Variants in RBPJ observed in about 807,000 individuals in gnomAD.
RBPJ encodes recombining binding protein suppressor of hairless.
In RBPJ, 9 loss-of-function variants were observed where a neutral mutation model predicts 67.8. That is an observed-to-expected ratio of 0.13 (90% confidence interval 0.08 to 0.23). RBPJ has a LOEUF of 0.23. RBPJ is among the 10% of genes least tolerant of loss of function. RBPJ has a pLI of 1.00. For synonymous variants in RBPJ, 198 were observed against 203.3 expected (o/e 0.97, Z 0.22); for missense variants, 305 against 595.6 (o/e 0.51, Z 5.08).
intron 1 of RBPJ, among the ~76,000 whole-genome samples, chr4:26,279,057 G>A (rs1406541870): frequency 6.6e-6 from 1 of 152,192 alleles, no homozygotes; most frequent in Admixed American, 6.5e-5. Flanking sequence ...ATAGGATCAT[G>A]TTGAGAACTA....
At position 26,284,626 on chromosome 4, in the gene RBPJ, G is replaced by A. The variant is rs181889712; in HGVS notation, c.-166-77820G>A. 3.8e-3 allele frequency among the ~76,000 whole-genome samples: 583 copies of A among 151,858 alleles called. 4 individuals are homozygous for A. Among genetic ancestry groups the A allele is most frequent in the African/African-American group, 0.013 (548 of 41,404 alleles). On this transcript the variant is annotated intron_variant, in intron 1 of 4. Coordinates refer to the RBPJ transcript ENST00000512351. ...TGGGATCACAGGCATGTGCCACCAC[G>A]CCTGGCTAATTTTTCTATTTTTGGT...
intron 1 of RBPJ, among the ~76,000 whole-genome samples, chr4:26,190,207 G>A (rs1717427936): frequency 6.6e-6 from 1 of 152,246 alleles, no homozygotes; most frequent in Admixed American, 6.5e-5. Flanking sequence ...TCCCTTGAGA[G>A]CAGCAAATCT....
chr4:26,341,817 A>G (rs1013792726), intron 1 of RBPJ, among the ~76,000 whole-genome samples: 22 of 152,218 alleles, frequency 1.4e-4, no homozygotes, highest in African/African-American at 5.3e-4. Context: ...ACAGGGAACT[A>G]GAAGGGATTG....
chr4:26,321,075 G>T (rs1318506484), intron 1 of RBPJ, 27 bp downstream of exon 1: 1 of 1,569,656 alleles, frequency 6.4e-7, no homozygotes, highest in African/African-American at 1.4e-5. Context: ...CGGAGCGCCG[G>T]GAACCGGGAA....
In RBPJ at chr4:26,358,004, T is replaced by C. The variant is rs560271771; in HGVS notation, c.21-28349T>C. 1.4e-4 allele frequency among the ~76,000 whole-genome samples: 20 copies of C among 146,108 alleles called. No homozygotes were observed. The South Asian group carries it at 4.4e-3, about 32-fold the overall frequency. On this transcript the variant is annotated intron_variant, in intron 1 of 10. Transcript: ENST00000355476. ...CTTATGCTCGGGTGTTTTTTGTATG[T>C]TTTTGAGGGGGTATTCGTGTGTGTG... is the stretch of plus-strand genomic sequence containing the variant.
the RBPJ span, among the ~76,000 whole-genome samples, chr4:26,142,625 G>A: frequency 6.6e-6 from 1 of 152,232 alleles, no homozygotes; most frequent in African/African-American, 2.4e-5. Flanking sequence ...ATTTGTAGAT[G>A]CTCAGATGTC....
intron 7 of RBPJ, among the ~76,000 whole-genome samples, chr4:26,427,412 A>G (rs913976464): frequency 6.6e-6 from 1 of 152,220 alleles, no homozygotes; most frequent in Non-Finnish European, 1.5e-5. Context: ...TGTACATACA[A>G]GTTGAATGCA....
At chr4:26,348,550 A>G (rs1726424177) in intron 1 of RBPJ, among the ~76,000 whole-genome samples, 1 of 152,210 alleles carries the variant, frequency 6.6e-6, no homozygotes, top group South Asian at 2.1e-4. Flanking sequence ...GTTAGCATGT[A>G]CCCCAATATA....
intron 1 of RBPJ, among the ~76,000 whole-genome samples, chr4:26,247,060 T>C (rs1053666520): frequency 6.8e-6 from 1 of 146,978 alleles, no homozygotes; most frequent in Non-Finnish European, 1.5e-5. Flanking sequence ...GCAGCCTCAA[T>C]CTCCCAGGCT....
At chr4:26,172,077 G>A (rs574350398) in intron 1 of RBPJ, among the ~76,000 whole-genome samples, 57 of 152,300 alleles carry the variant, frequency 3.7e-4, no homozygotes, top group Non-Finnish European at 6.6e-4. Flanking sequence ...AATCCACATC[G>A]TCAAGCTCCT....
At chr4:26,291,644 C>G (rs960431664) in intron 1 of RBPJ, among the ~76,000 whole-genome samples, 1 of 149,994 alleles carries the variant, frequency 6.7e-6, no homozygotes, top group African/African-American at 2.5e-5. Context: ...TGGCACAGTC[C>G]CTGCTCACTG....
intron 3 of RBPJ, among the ~76,000 whole-genome samples, chr4:26,406,654 G>T (rs1733448965): frequency 1.3e-5 from 2 of 152,226 alleles, no homozygotes; most frequent in South Asian, 4.1e-4. Flanking sequence ...ATTGGCTGGA[G>T]CTGGACCTCA....
chr4:26,419,473 C>T (rs932301879), intron 4 of RBPJ, among the ~76,000 whole-genome samples: 2 of 152,008 alleles, frequency 1.3e-5, no homozygotes, highest in African/African-American at 2.4e-5. Context: ...TGTCTGCTAC[C>T]GAGGCTGTCT....
intron 1 of RBPJ, among the ~76,000 whole-genome samples, chr4:26,274,306 A>G (rs755957516): frequency 5.3e-5 from 8 of 152,194 alleles, no homozygotes; most frequent in Non-Finnish European, 8.8e-5. Flanking sequence ...CCTAAGGAAG[A>G]TAAGAGAAGG....
chr4:26,212,453 T>TC (rs1718461731), intron 1 of RBPJ, among the ~76,000 whole-genome samples: 2 of 132,222 alleles, frequency 1.5e-5, no homozygotes, highest in Non-Finnish European at 3.2e-5. Flanking sequence ...TTTTTTTTTT[T>TC]TGAGACAGAG....
At position 26,331,199 on chromosome 4, in the gene RBPJ, C is replaced by T. The variant is rs79869296; in HGVS notation, c.20+10151C>T. Among the ~76,000 whole-genome samples the T allele has an allele frequency of 4.9e-3, 739 of 152,230 alleles. 10 individuals carry two copies. Among genetic ancestry groups the T allele is most frequent in the African/African-American group, 0.017 (717 of 41,538 alleles). On this transcript the variant is annotated intron_variant, in intron 1 of 10. Transcript: ENST00000355476. Reference sequence around the variant, plus strand: ...CACTGCAGCCTCAATCTCCCGAGCTCGTAATCATCCCACTTGAGCTTCCTG... The same window carrying T: ...CACTGCAGCCTCAATCTCCCGAGCTTGTAATCATCCCACTTGAGCTTCCTG...
intron 1 of RBPJ, among the ~76,000 whole-genome samples, chr4:26,178,786 T>A (rs1716884418): frequency 6.6e-6 from 1 of 151,608 alleles, no homozygotes; most frequent in Admixed American, 6.6e-5. Context: ...GTTTGGAATT[T>A]TTACAAAACC....
intron 1 of RBPJ, among the ~76,000 whole-genome samples, chr4:26,174,394 T>C (rs1716722614): frequency 1.3e-5 from 2 of 152,232 alleles, no homozygotes; most frequent in African/African-American, 4.8e-5. Context: ...AATCCCTGGC[T>C]TCAGATAACT....
At chr4:26,240,260 A>G (rs1719592800) in intron 1 of RBPJ, among the ~76,000 whole-genome samples, 1 of 152,224 alleles carries the variant, frequency 6.6e-6, no homozygotes, top group Non-Finnish European at 1.5e-5. Context: ...TTTTTCATTT[A>G]ACAACTCTAC....
Sources: allele counts gnomAD v4.1 joint callset (sites outside exome capture counted in the v4.1 genomes callset), GRCh38; gene constraint gnomAD v4.1.1; transcripts MANE v1.5; gene names NCBI Gene and HGNC (gene_info 2026-07-23, HGNC 2026-07-21).